The following EFCAB5 variants were observed in gnomAD, a reference collection of about 807,000 sequenced individuals.
The protein encoded by EFCAB5 is EF-hand calcium-binding domain-containing protein 5.
A neutral mutation model predicts 167.9 loss-of-function variants in EFCAB5; 131 were observed. The observed-to-expected ratio is 0.78, with a 90% CI of 0.68 to 0.90. The LOEUF is 0.90. Among genes scored for constraint, EFCAB5 ranks in the 40% least tolerant of loss-of-function variants. EFCAB5 has a pLI of 0.00. For missense variants in EFCAB5, 1,663 were observed against 1,745.2 expected, an observed-to-expected ratio of 0.95 and a Z score of 0.84; for synonymous variants, 574 against 602.8, an observed-to-expected ratio of 0.95 and a Z score of 0.70.
At chr17:29,983,075 T>C (rs1038857737) in intron 4 of EFCAB5, among the ~76,000 whole-genome samples, 27 of 152,258 alleles carry the variant, frequency 1.8e-4, no homozygotes, top group African/African-American at 6.5e-4. Context: ...TTTTGTAGAT[T>C]GGTAACTTTG....
chr17:29,959,313 C>G (rs1291649751), intron 3 of EFCAB5, among the ~76,000 whole-genome samples: 2 of 152,108 alleles, frequency 1.3e-5, no homozygotes, highest in Non-Finnish European at 2.9e-5. Flanking sequence ...ATTTAGAAAT[C>G]TACTTGGTGT....
chr17:29,987,013 G>A (rs967408079), intron 4 of EFCAB5, among the ~76,000 whole-genome samples: 7 of 152,042 alleles, frequency 4.6e-5, no homozygotes, highest in African/African-American at 1.2e-4. Context: ...GAGTGATTAC[G>A]TCCAGGCATT....
At chr17:30,004,198 C>A (rs147678573) in intron 7 of EFCAB5, among the ~76,000 whole-genome samples, 8 of 152,312 alleles carry the variant, frequency 5.3e-5, no homozygotes, top group African/African-American at 1.9e-4. Context: ...GCAGGCATGC[C>A]CAGGCAAGAC....
chr17:30,083,169 A>G, intron 18 of EFCAB5, 126 bp downstream of exon 18: 1 of 1,293,070 alleles, frequency 7.7e-7, no homozygotes, highest in Middle Eastern at 2.7e-4. Flanking sequence ...TTCCCAATAC[A>G]AGACCCTTGG....
intron 14 of EFCAB5, chr17:30,069,553 C>T (rs185070501): frequency 1.4e-5 from 23 of 1,613,122 alleles, no homozygotes; most frequent in Middle Eastern, 3.3e-4. Flanking sequence ...TTAAAAACAA[C>T]GCTGGCTTCC....
At chr17:30,093,020 G>T in intron 22 of EFCAB5, 84 bp downstream of exon 22, 2 of 1,044,588 alleles carry the variant, frequency 1.9e-6, no homozygotes, top group East Asian at 2.7e-5. Flanking sequence ...AAAGCAAGTG[G>T]GTCATAAATT....
At chr17:29,982,597 T>G (rs1008722647) in intron 4 of EFCAB5, among the ~76,000 whole-genome samples, 3 of 152,168 alleles carry the variant, frequency 2.0e-5, no homozygotes, top group Non-Finnish European at 4.4e-5. Context: ...TTATAAGAAC[T>G]AAAAACTTAT....
chr17:30,018,028 G>A (rs2069089026), intron 7 of EFCAB5, among the ~76,000 whole-genome samples: 1 of 152,090 alleles, frequency 6.6e-6, no homozygotes, highest in African/African-American at 2.4e-5. Context: ...TATATTTTCT[G>A]AGTTCTTATA....
intron 3 of EFCAB5, chr17:29,968,280 T>C (rs1050817045): frequency 2.3e-6 from 1 of 443,150 alleles, no homozygotes; most frequent in Non-Finnish European, 4.5e-6. Context: ...AAATAAGTTA[T>C]AATTTGTCTA....
rs1416868591 is a variant in EFCAB5 at position 30,092,119 on chromosome 17, T to G, written c.4186T>G (p.Phe1396Val). Reference sequence around the variant, plus strand: ...CTTGTTCTTTCATCCAGAGTTGGAATTTTCAAGTGACTTTGGAAGTTGGGA... The same window carrying G: ...CTTGTTCTTTCATCCAGAGTTGGAAGTTTCAAGTGACTTTGGAAGTTGGGA... ...VILFFHPELE[F>V]SSDFGSWDKC... Residue 1396 changes from phenylalanine to valine, a missense_variant, in exon 21 of 23, where the codon TTT becomes GTT. Coordinates refer to ENST00000394835, the MANE Select transcript of EFCAB5 (RefSeq NM_198529.4). 1 of 1,613,586 alleles carries G rather than the reference T, an allele frequency of 6.2e-7. No individual in the cohort carries two copies. The highest frequency in any genetic ancestry group is 8.5e-7 in the Non-Finnish European group (1 of 1,179,650).
chr17:30,080,041 C>A, intron 15 of EFCAB5, 31 bp from the exon 16 acceptor site: 1 of 1,577,454 alleles, frequency 6.3e-7, no homozygotes, highest in South Asian at 1.2e-5. Context: ...TGGCTGTTGG[C>A]AAACACATGG....
chr17:29,966,896 A>G (rs1372781257), intron 3 of EFCAB5, among the ~76,000 whole-genome samples: 4 of 152,022 alleles, frequency 2.6e-5, no homozygotes, highest in African/African-American at 9.7e-5. Context: ...TCCAGGCACT[A>G]CAAGATATTC....
chr17:29,973,245 G>A (rs972150987), intron 4 of EFCAB5, among the ~76,000 whole-genome samples: 2 of 152,116 alleles, frequency 1.3e-5, no homozygotes, highest in Non-Finnish European at 2.9e-5. Flanking sequence ...GTGCCTTTCT[G>A]TATCTTAGCC....
chr17:29,997,367 C>T (rs2068568743), intron 6 of EFCAB5, among the ~76,000 whole-genome samples: 1 of 151,598 alleles, frequency 6.6e-6, no homozygotes, highest in Non-Finnish European at 1.5e-5. Flanking sequence ...TTATAATGTA[C>T]CTTTAGATAT....
chr17:29,933,652 C>A (rs192059789), intron 1 of EFCAB5, among the ~76,000 whole-genome samples: 1 of 152,146 alleles, frequency 6.6e-6, no homozygotes, highest in Non-Finnish European at 1.5e-5. Flanking sequence ...GTCCATTTAA[C>A]CCTTAACTTG....
At chr17:30,036,055 A>G (rs2069606730) in intron 8 of EFCAB5, among the ~76,000 whole-genome samples, 1 of 143,220 alleles carries the variant, frequency 7.0e-6, no homozygotes, top group Non-Finnish European at 1.5e-5. Flanking sequence ...TATATTTTAT[A>G]TATAACCATA....
At chr17:30,039,294 T>C (rs1276384029) in intron 8 of EFCAB5, among the ~76,000 whole-genome samples, 1 of 152,134 alleles carries the variant, frequency 6.6e-6, no homozygotes, top group Non-Finnish European at 1.5e-5. Context: ...ATCATCAGAA[T>C]CATGGGCCAT....
intron 7 of EFCAB5, among the ~76,000 whole-genome samples, chr17:30,024,652 A>G (rs2069268973): frequency 6.6e-6 from 1 of 151,880 alleles, no homozygotes; most frequent in African/African-American, 2.4e-5. Context: ...CAAGCTACCA[A>G]TGACTTTCTT....
intron 22 of EFCAB5, among the ~76,000 whole-genome samples, chr17:30,094,440 G>A (rs1483727748): frequency 6.7e-6 from 1 of 148,528 alleles, no homozygotes; most frequent in East Asian, 2.0e-4. Flanking sequence ...GGAGGCCAAC[G>A]TGGGCAGATT....
Sources: gnomAD v4.1 joint callset for allele counts (sites outside exome capture counted in the v4.1 genomes callset) on GRCh38, gnomAD v4.1.1 for gene constraint, MANE v1.5 for transcripts, NCBI Gene and HGNC (gene_info 2026-07-23, HGNC 2026-07-21) for gene names.